The following PTPRM variants were observed in gnomAD, a reference collection of about 807,000 sequenced individuals.
PTPRM encodes the protein protein tyrosine phosphatase receptor type M.
A neutral mutation model predicts 186.7 loss-of-function variants in PTPRM; 47 were observed. The observed-to-expected ratio is 0.25, with a 90% CI of 0.20 to 0.32. The LOEUF is 0.32. Ranked by LOEUF, PTPRM falls within the 10% of genes least tolerant of loss-of-function variation. The pLI is 1.00. For synonymous variants in PTPRM, 668 were observed against 674.9 expected (o/e 0.99, Z 0.16); for missense variants, 1,494 against 1,865.0 (o/e 0.80, Z 3.66).
chr18:7,965,942 G>A (rs886849129), intron 7 of PTPRM, among the ~76,000 whole-genome samples: 1 of 152,166 alleles, frequency 6.6e-6, no homozygotes, highest in Non-Finnish European at 1.5e-5. Flanking sequence ...GGATAATGCT[G>A]CTTGTGCTTT....
At chr18:7,861,339 A>G (rs2047370425) in intron 2 of PTPRM, among the ~76,000 whole-genome samples, 1 of 152,040 alleles carries the variant, frequency 6.6e-6, no homozygotes, top group Non-Finnish European at 1.5e-5. Context: ...TGATTAAAAT[A>G]AACACACTCA....
intron 1 of PTPRM, among the ~76,000 whole-genome samples, chr18:7,639,443 A>G (rs2038395298): frequency 6.7e-6 from 1 of 149,574 alleles, no homozygotes; most frequent in Non-Finnish European, 1.5e-5. Context: ...CTGGAGTGCG[A>G]TGGCGTGATC....
intron 7 of PTPRM, among the ~76,000 whole-genome samples, chr18:8,002,938 G>T (rs143506925): frequency 6.6e-6 from 1 of 151,890 alleles, no homozygotes. Context: ...CAAATGTTTC[G>T]TTTTGATTAA....
chr18:8,208,168 C>T (rs1402704385), intron 14 of PTPRM, among the ~76,000 whole-genome samples: 1 of 152,192 alleles, frequency 6.6e-6, no homozygotes, highest in African/African-American at 2.4e-5. Flanking sequence ...TGCGTGCTCT[C>T]CTGTGCAGCC....
At chr18:7,905,581 G>T (rs1473643717) in intron 3 of PTPRM, among the ~76,000 whole-genome samples, 1 of 152,114 alleles carries the variant, frequency 6.6e-6, no homozygotes. Flanking sequence ...GTCTTCTGCA[G>T]CCTGGCCACA....
chr18:7,702,881 G>A (rs1351330606), intron 1 of PTPRM, among the ~76,000 whole-genome samples: 1 of 151,872 alleles, frequency 6.6e-6, no homozygotes, highest in Non-Finnish European at 1.5e-5. Context: ...TAAGGTGTAA[G>A]GAAGGGGTCC....
intron 13 of PTPRM, among the ~76,000 whole-genome samples, chr18:8,138,216 T>TCC (rs11442236): frequency 4.7e-5 from 7 of 149,948 alleles, no homozygotes; most frequent in South Asian, 4.2e-4. Flanking sequence ...TTTTTTTTTT[T>TCC]CCCTCCTCTT....
chr18:8,380,113 C>G (rs2095723231), intron 28 of PTPRM, among the ~76,000 whole-genome samples, 183 bp from the exon 29 acceptor site: 1 of 152,202 alleles, frequency 6.6e-6, no homozygotes, highest in Admixed American at 6.5e-5. Context: ...ACTTTTATCA[C>G]TATTATTCTG....
In PTPRM at chr18:7,637,167, C is replaced by CAAA. The variant is rs11296631; in HGVS notation, c.73+69293_73+69295dup. On this transcript the variant is annotated intron_variant, in intron 1 of 32. Coordinates refer to ENST00000580170, the MANE Select transcript of PTPRM (RefSeq NM_001105244.2). ...TGGGTGACAGAGCGAGACCCTGACT[C>CAAA]AAAAAAAAAAAAAAAAAAACAGTGT... Among the ~76,000 whole-genome samples, 113 of 72,128 alleles carry CAAA rather than the reference C, an allele frequency of 1.6e-3. 1 individual carries two copies. The highest frequency in any genetic ancestry group is 4.1e-3 in the African/African-American group (104 of 25,250). 47.3% of individuals were successfully genotyped at this position (72,128 alleles called of 152,430 possible).
At chr18:7,575,537 C>T (rs188436837) in intron 1 of PTPRM, among the ~76,000 whole-genome samples, 293 of 152,316 alleles carry the variant, frequency 1.9e-3, no homozygotes, top group Middle Eastern at 0.014. Flanking sequence ...TTAGATTCAC[C>T]TGCTACAGTC....
intron 7 of PTPRM, among the ~76,000 whole-genome samples, chr18:8,045,678 G>A (rs2086997530): frequency 6.6e-6 from 1 of 152,116 alleles, no homozygotes; most frequent in East Asian, 1.9e-4. Flanking sequence ...GATGGTTGTG[G>A]GAAATGGGAG....
intron 2 of PTPRM, among the ~76,000 whole-genome samples, chr18:7,842,928 G>GTATATATATATATA (rs1365364776): frequency 1.6e-5 from 1 of 62,712 alleles, no homozygotes; most frequent in African/African-American, 7.2e-5. Flanking sequence ...GTGTGTGTGT[G>GTATATATATATATA]TGTATATATA....
chr18:7,711,407 A>G (rs1341738275), intron 1 of PTPRM, among the ~76,000 whole-genome samples: 1 of 152,182 alleles, frequency 6.6e-6, no homozygotes, highest in Non-Finnish European at 1.5e-5. Context: ...CTGGGCAGCC[A>G]TTTGGGCAGA....
intron 6 of PTPRM, 25 bp downstream of exon 6, chr18:7,949,380 A>C (rs2052780487): frequency 1.9e-6 from 3 of 1,572,762 alleles, no homozygotes; most frequent in Non-Finnish European, 2.6e-6. Flanking sequence ...TTTATACCAG[A>C]ATATTCTTCT....
chr18:7,856,589 A>T lies in PTPRM; in HGVS notation c.197-31517A>T, dbSNP rs189051984. On this transcript the variant is annotated intron_variant, in intron 2 of 32. Coordinates refer to ENST00000580170, the MANE Select transcript of PTPRM (RefSeq NM_001105244.2). ...CCCTGTCTTTGCAGAAAAAAAAAAA[A>T]GAAAACTACCTGGATGTGGTGGCAC... Among the ~76,000 whole-genome samples, 3 of 151,972 alleles carry T rather than the reference A, an allele frequency of 2.0e-5. No individual in the cohort carries two copies. The East Asian group carries it at 5.8e-4, about 30-fold the overall frequency.
chr18:7,772,438 CCCTTCCCCTTCCTTCCTTCCTTCCTT>C lies in PTPRM; in HGVS notation c.74-1704_74-1679del, dbSNP rs1256348607. Reference sequence around the variant, plus strand: ...TTTCTTTCTTTCTCCCTTCCCCTTCCCCTTCCCCTTCCTTCCTTCCTTCCTTCCTTCCTTCCTTCCTTCCTTCCTTC... The same window carrying C: ...TTTCTTTCTTTCTCCCTTCCCCTTCCCCTTCCTTCCTTCCTTCCTTCCTTC... On this transcript the variant is annotated intron_variant, in intron 1 of 32. Coordinates refer to ENST00000580170, the MANE Select transcript of PTPRM (RefSeq NM_001105244.2). Among the ~76,000 whole-genome samples the C allele has an allele frequency of 2.1e-4, 26 of 124,594 alleles. 1 individual carries two copies. The highest frequency in any genetic ancestry group is 1.3e-3 in the South Asian group (5 of 3,854). 81.7% of individuals were successfully genotyped at this position (124,594 alleles called of 152,430 possible).
chr18:8,368,759 C>G (rs1568843913), intron 23 of PTPRM, among the ~76,000 whole-genome samples: 1 of 152,196 alleles, frequency 6.6e-6, no homozygotes, highest in Non-Finnish European at 1.5e-5. Flanking sequence ...CTGGGACTTT[C>G]CTTCCTACAC....
chr18:7,974,872 C>G (rs1216684073), intron 7 of PTPRM, among the ~76,000 whole-genome samples: 1 of 152,190 alleles, frequency 6.6e-6, no homozygotes, highest in Non-Finnish European at 1.5e-5. Flanking sequence ...TATTCTTAAA[C>G]TTTAACGTAC....
At chr18:7,606,479 A>C (rs1391316033) in intron 1 of PTPRM, among the ~76,000 whole-genome samples, 1 of 152,044 alleles carries the variant, frequency 6.6e-6, no homozygotes, top group East Asian at 1.9e-4. Flanking sequence ...GTAAAATCTG[A>C]AGTTAGCAGA....
Sources: allele counts gnomAD v4.1 joint callset (sites outside exome capture counted in the v4.1 genomes callset), GRCh38; gene constraint gnomAD v4.1.1; transcripts MANE v1.5; gene names NCBI Gene and HGNC (gene_info 2026-07-23, HGNC 2026-07-21).